The following PLCL1 variants were observed in gnomAD, a reference collection of about 807,000 sequenced individuals.
PLCL1 encodes the protein phospholipase C like 1 (inactive).
In PLCL1, 41 loss-of-function variants were observed where a neutral mutation model predicts 84.4. The ratio of observed to expected loss-of-function variants is 0.49; its 90% confidence interval spans 0.38 to 0.63. PLCL1 has a LOEUF of 0.63. Ranked by LOEUF, PLCL1 falls within the 30% of genes least tolerant of loss-of-function variation. The pLI, the probability that PLCL1 is intolerant of heterozygous loss-of-function variation, is 0.00. For missense variants in PLCL1, 1,206 were observed against 1,367.8 expected (o/e 0.88, Z 1.87); for synonymous variants, 490 against 488.3 (o/e 1.00, Z -0.05).
chr2:198,078,793 G>T (rs1228349302), intron 1 of PLCL1, among the ~76,000 whole-genome samples: 1 of 152,068 alleles, frequency 6.6e-6, no homozygotes, highest in African/African-American at 2.4e-5. Flanking sequence ...GAGGTCAAAG[G>T]CAGGGAAGCT....
intron 1 of PLCL1, among the ~76,000 whole-genome samples, chr2:197,890,649 A>G (rs1391312588): frequency 7.1e-6 from 1 of 141,566 alleles, no homozygotes; most frequent in African/African-American, 2.8e-5. Context: ...ATCATTATAG[A>G]CTTATGCTGC....
chr2:197,850,658 A>G (rs1202654379), intron 1 of PLCL1, among the ~76,000 whole-genome samples: 2 of 152,186 alleles, frequency 1.3e-5, no homozygotes, highest in African/African-American at 2.4e-5. Context: ...TTCCAGTATT[A>G]TAGAAGACAG....
chr2:197,916,009 C>T (rs1417234588), intron 1 of PLCL1, among the ~76,000 whole-genome samples: 1 of 152,182 alleles, frequency 6.6e-6, no homozygotes, highest in African/African-American at 2.4e-5. Flanking sequence ...TCTGTGATTG[C>T]TTGTGGTCAT....
intron 1 of PLCL1, among the ~76,000 whole-genome samples, chr2:197,849,277 C>T (rs750399911): frequency 3.9e-5 from 6 of 151,978 alleles, no homozygotes; most frequent in Admixed American, 6.6e-5. Flanking sequence ...ATTAGTGAGG[C>T]GGCTCATGCC....
chr2:197,829,290 A>G (rs1022571826), intron 1 of PLCL1, among the ~76,000 whole-genome samples: 2 of 152,186 alleles, frequency 1.3e-5, no homozygotes, highest in African/African-American at 4.8e-5. Flanking sequence ...CAAATAAAGA[A>G]TATCTTGGTT....
At chr2:198,080,492 T>C (rs1007527446) in intron 1 of PLCL1, among the ~76,000 whole-genome samples, 1 of 152,072 alleles carries the variant, frequency 6.6e-6, no homozygotes, top group Non-Finnish European at 1.5e-5. Context: ...TTTGGAGTCG[T>C]CCACCCTTCA....
At chr2:198,018,575 G>A (rs186268660) in intron 1 of PLCL1, among the ~76,000 whole-genome samples, 102 of 152,306 alleles carry the variant, frequency 6.7e-4, no homozygotes, top group Admixed American at 6.6e-3. Context: ...TGAGGCTTGA[G>A]TAGGCAGTTT....
chr2:197,900,757 A>G (rs1257589271), intron 1 of PLCL1, among the ~76,000 whole-genome samples: 13 of 152,248 alleles, frequency 8.5e-5, no homozygotes, highest in Admixed American at 8.5e-4. Context: ...TGTCATAAAT[A>G]ATGTTTTTTC....
intron 1 of PLCL1, among the ~76,000 whole-genome samples, chr2:197,923,103 G>T (rs556534455): frequency 1.4e-5 from 2 of 142,690 alleles, no homozygotes; most frequent in Non-Finnish European, 3.1e-5. Context: ...CTCCCTACCG[G>T]ACGGGGCGGC....
At chr2:198,022,078 A>G (rs959420340) in intron 1 of PLCL1, among the ~76,000 whole-genome samples, 10 of 152,362 alleles carry the variant, frequency 6.6e-5, no homozygotes, top group Middle Eastern at 3.4e-3. Context: ...GGCTGGGTCA[A>G]CATACACAAA....
intron 1 of PLCL1, among the ~76,000 whole-genome samples, chr2:198,023,966 T>G (rs1301560547): frequency 6.6e-6 from 1 of 152,236 alleles, no homozygotes; most frequent in Non-Finnish European, 1.5e-5. Context: ...ATGGCAGTAC[T>G]GCTCACAATA....
At chr2:197,957,298 A>G (rs570736109) in intron 1 of PLCL1, among the ~76,000 whole-genome samples, 1 of 152,168 alleles carries the variant, frequency 6.6e-6, no homozygotes, top group East Asian at 1.9e-4. Flanking sequence ...CTACTAGATT[A>G]TGACTTTTTG....
At chr2:198,021,619 T>A (rs1326344535) in intron 1 of PLCL1, among the ~76,000 whole-genome samples, 1 of 152,194 alleles carries the variant, frequency 6.6e-6, no homozygotes, top group Admixed American at 6.5e-5. Context: ...TAAACACCTC[T>A]ATGCAAATAA....
At chr2:197,905,628 G>A (rs966082374) in intron 1 of PLCL1, among the ~76,000 whole-genome samples, 1 of 152,138 alleles carries the variant, frequency 6.6e-6, no homozygotes, top group African/African-American at 2.4e-5. Context: ...GGGATTGCTG[G>A]GTCAAATGGT....
chr2:197,917,938 G>C (rs1259787214), intron 1 of PLCL1, among the ~76,000 whole-genome samples: 1 of 152,068 alleles, frequency 6.6e-6, no homozygotes, highest in Non-Finnish European at 1.5e-5. Flanking sequence ...ACTGGAACCT[G>C]CCCCACCGCC....
At chr2:198,108,088 T>G (rs1279624451) in intron 5 of PLCL1, among the ~76,000 whole-genome samples, 1 of 151,950 alleles carries the variant, frequency 6.6e-6, no homozygotes, top group East Asian at 1.9e-4. Context: ...TCTTATGCAT[T>G]AGATCTGAAA....
At chr2:198,138,531 T>C (rs938022804) in intron 5 of PLCL1, among the ~76,000 whole-genome samples, 3 of 152,196 alleles carry the variant, frequency 2.0e-5, no homozygotes, top group South Asian at 4.1e-4. Context: ...CTTTAGTATA[T>C]GATATTAATT....
At position 198,146,957 on chromosome 2, in the gene PLCL1, C is replaced by G. The variant is rs1220467632; in HGVS notation, c.3283C>G (p.Leu1095Val). The G allele has an allele frequency of 3.8e-6, 6 of 1,594,792 alleles. No homozygotes were observed. In the African/African-American group the frequency reaches 8.1e-5, roughly 21 times the overall value. Reference protein sequence around the residue: ...EKESSEENGKL With the variant: ...EKESSEENGKV ...GGAAAGTAGTGAGGAGAATGGGAAG[C>G]TGTGACTCTGGGCATTATCGACACG... Residue 1095 changes from leucine to valine, a missense_variant, in exon 6 of 6, where the codon CTG (leucine) becomes GTG (valine). Coordinates refer to ENST00000428675, the MANE Select transcript of PLCL1 (RefSeq NM_006226.4).
At position 197,866,035 on chromosome 2, in the gene PLCL1, A is replaced by AT. The variant is rs1461435091; in HGVS notation, c.240+60696_240+60697insT. On this transcript the variant is annotated intron_variant, in intron 1 of 5. Coordinates refer to ENST00000428675, the MANE Select transcript of PLCL1 (RefSeq NM_006226.4). Reference sequence around the variant, plus strand: ...CAAAAAAAAAAAAAAAAAAAAAAAAAAATATATATATATATATACACACAC... The same window carrying AT: ...CAAAAAAAAAAAAAAAAAAAAAAAAATAATATATATATATATATACACACAC... Among the ~76,000 whole-genome samples the AT allele has an allele frequency of 5.3e-4, 33 of 62,590 alleles. 8 individuals are homozygous for AT. Among genetic ancestry groups the AT allele is most frequent in the African/African-American group, 2.8e-3 (28 of 9,964 alleles). 41.1% of individuals were successfully genotyped at this position (62,590 alleles called of 152,430 possible).
Sources: allele counts gnomAD v4.1 joint callset (sites outside exome capture counted in the v4.1 genomes callset), GRCh38; gene constraint gnomAD v4.1.1; transcripts MANE v1.5; gene names NCBI Gene and HGNC (gene_info 2026-07-23, HGNC 2026-07-21).